The following COL15A1 variants were observed in gnomAD, a reference collection of about 807,000 sequenced individuals.
COL15A1 encodes collagen alpha-1(XV) chain.
Under a neutral mutation model 165.9 loss-of-function variants are expected in COL15A1, and 111 were observed. The ratio of observed to expected loss-of-function variants is 0.67; its 90% confidence interval spans 0.57 to 0.78. The LOEUF is 0.78. Among genes scored for constraint, COL15A1 ranks in the 30% least tolerant of loss-of-function variants. The pLI is 0.00. For missense variants in COL15A1, 1,745 were observed against 1,789.7 expected (o/e 0.98, Z 0.45); for synonymous variants, 659 against 674.8 (o/e 0.98, Z 0.36).
chr9:99,067,220 T>C (rs1203818248), intron 40 of COL15A1, among the ~76,000 whole-genome samples, 153 bp downstream of exon 40: 1 of 152,146 alleles, frequency 6.6e-6, no homozygotes, highest in Non-Finnish European at 1.5e-5. Flanking sequence ...TTCTTTGCCT[T>C]CCCTGAACCT....
chr9:98,945,504 T>C (rs776219068), intron 2 of COL15A1, among the ~76,000 whole-genome samples: 10 of 150,280 alleles, frequency 6.7e-5, no homozygotes, highest in Non-Finnish European at 1.5e-4. Context: ...GAACAGAAAG[T>C]CTAGGAAACA....
At position 99,035,064 on chromosome 9, in the gene COL15A1, A is replaced by G; in HGVS notation, c.2130A>G (p.Gln710=). 1 of 1,611,092 alleles carries G rather than the reference A, an allele frequency of 6.2e-7. No homozygotes were observed. Among genetic ancestry groups the G allele is most frequent in the South Asian group, 1.1e-5 (1 of 91,038 alleles). Residue 710 remains glutamine (Q), a synonymous_variant, in exon 18 of 42, where the codon CAA becomes CAG. Coordinates refer to ENST00000375001, the MANE Select transcript of COL15A1 (RefSeq NM_001855.5). ...CTGGACCCCCGGGGAAAAAGGGACA[A>G]GCTGGCCCTCCTGGGGTCATGGGAC... ...GLPGPPGKKG[Q]AGPPGVMGPP... is the part of the protein sequence containing the mutation.
At chr9:99,045,249 C>T (rs1839474846) in intron 26 of COL15A1, among the ~76,000 whole-genome samples, 1 of 152,226 alleles carries the variant, frequency 6.6e-6, no homozygotes, top group South Asian at 2.1e-4. Context: ...AGTTATACCA[C>T]AGAACTTGCC....
intron 29 of COL15A1, 27 bp downstream of exon 29, chr9:99,049,785 T>G (rs1325868473): frequency 1.2e-6 from 2 of 1,614,144 alleles, no homozygotes; most frequent in Non-Finnish European, 1.7e-6. Context: ...TGGGAAGACC[T>G]TCCCGATTGG....
In COL15A1 at chr9:99,035,224, A is replaced by G. The variant is rs1839280353; in HGVS notation, c.2220+70A>G. 5 of 1,570,174 alleles carry G rather than the reference A, an allele frequency of 3.2e-6. No individual in the cohort carries two copies. In the South Asian group the frequency reaches 5.7e-5, roughly 18 times the overall value. On this transcript the variant is annotated intron_variant, in intron 18 of 41. Transcript: ENST00000375001. ...GGGCTACTAGAAAGACCAGCTAGCTAAACCCTGGTCTCAGGGCAGAGGCTG... is the reference window on the plus strand; with the variant it reads ...GGGCTACTAGAAAGACCAGCTAGCTGAACCCTGGTCTCAGGGCAGAGGCTG...
At chr9:99,020,292 A>G in intron 11 of COL15A1, 97 bp from the exon 12 acceptor site, 1 of 873,472 alleles carries the variant, frequency 1.1e-6, no homozygotes, top group South Asian at 1.4e-5. Context: ...GCTCATGCCC[A>G]GCTCACTGAC....
intron 2 of COL15A1, among the ~76,000 whole-genome samples, chr9:98,958,292 T>C (rs1332568782): frequency 6.6e-6 from 1 of 152,240 alleles, no homozygotes; most frequent in African/African-American, 2.4e-5. Flanking sequence ...GAGTTCAGTT[T>C]GGCCGCACGT....
intron 21 of COL15A1, among the ~76,000 whole-genome samples, chr9:99,038,434 A>T (rs1839342714): frequency 1.3e-5 from 2 of 152,240 alleles, no homozygotes; most frequent in South Asian, 4.1e-4. Flanking sequence ...AAAAGAGAAG[A>T]CATTCGTATA....
chr9:99,060,621 C>A (rs955224563), intron 36 of COL15A1, among the ~76,000 whole-genome samples: 2 of 152,018 alleles, frequency 1.3e-5, no homozygotes, highest in African/African-American at 4.8e-5. Flanking sequence ...TGCGGTGGCT[C>A]ACTCCTGTAA....
intron 13 of COL15A1, 24 bp from the exon 14 acceptor site, chr9:99,023,333 A>G (rs1239142936): frequency 6.3e-7 from 1 of 1,581,720 alleles, no homozygotes; most frequent in South Asian, 1.1e-5. Flanking sequence ...AAATGCAAGT[A>G]GTGGAAATTT....
At chr9:99,011,691 C>A (rs1430192062) in intron 9 of COL15A1, among the ~76,000 whole-genome samples, 1 of 152,028 alleles carries the variant, frequency 6.6e-6, no homozygotes, top group African/African-American at 2.4e-5. Context: ...ATATACCCAA[C>A]TAATGAAATA....
Position 99,063,058 on chromosome 9 carries a change from G to A in COL15A1, c.3600G>A (p.Gln1200=), listed in dbSNP as rs749405836. Residue 1200 remains glutamine, a synonymous_variant, in exon 39 of 42, where the codon CAG becomes CAA. Transcript: ENST00000375001. ...PPPALSSNPH[Q]LLPPPNPISS... Reference sequence around the variant, plus strand: ...CCTCCTTTTCATAACAGCCACATCAGCTTCTGCCTCCACCAAACCCTATTT... The same window carrying A: ...CCTCCTTTTCATAACAGCCACATCAACTTCTGCCTCCACCAAACCCTATTT... The A allele has an allele frequency of 5.0e-6, 8 of 1,591,974 alleles. 1 individual carries two copies. The South Asian group carries it at 9.3e-5, about 18-fold the overall frequency.
Position 99,056,297 on chromosome 9 carries a change from C to A in COL15A1, c.3230C>A (p.Pro1077His), listed in dbSNP as rs1211405731. Residue 1077 changes from proline (P) to histidine (H), a missense_variant, in exon 35 of 42, where the codon CCC (proline) becomes CAC (histidine). Transcript: ENST00000375001. The part of the protein sequence containing the change: ...KGETVVGPQG[P>H]PGAPGLPGPP... ...GAGACAGTCGTTGGGCCCCAAGGAC[C>A]CCCAGGTGCTCCTGGTCTGCCTGGG... The A allele has an allele frequency of 6.2e-7, 1 of 1,614,138 alleles. No homozygotes were observed.
chr9:99,030,147 C>T (rs377723954), intron 16 of COL15A1, among the ~76,000 whole-genome samples: 39 of 152,142 alleles, frequency 2.6e-4, no homozygotes, highest in African/African-American at 8.9e-4. Context: ...TCCAATTCAC[C>T]ACAGTAAGCC....
chr9:99,055,087 G>A lies in COL15A1; in HGVS notation c.3032-15G>A, dbSNP rs1247796531. ...AAATTACAATCGTGAATTTTACGAA[G>A]CATTTCTTTTTCAGGTCCTCCACTT... On this transcript the variant is annotated splice_polypyrimidine_tract_variant and intron_variant, in intron 32 of 41. Coordinates refer to ENST00000375001, the MANE Select transcript of COL15A1 (RefSeq NM_001855.5). The A allele has an allele frequency of 5.0e-6, 8 of 1,606,028 alleles. No homozygotes were observed. In the Admixed American group the frequency reaches 5.0e-5, roughly 10 times the overall value.
chr9:98,990,710 G>A lies in COL15A1; in HGVS notation c.804+1452G>A, dbSNP rs145735412. Among the ~76,000 whole-genome samples the A allele has an allele frequency of 3.9e-4, 59 of 152,344 alleles. No homozygotes were observed. In the East Asian group the frequency reaches 0.011, roughly 28 times the overall value. ...GTAGGGCAGAGAAGCTTGGGAGGGG[G>A]CACCAGAGCTGGGCAGCTTTGGACA... On this transcript the variant is annotated intron_variant, in intron 5 of 41. Coordinates refer to ENST00000375001, the MANE Select transcript of COL15A1 (RefSeq NM_001855.5).
Position 99,054,647 on chromosome 9 carries a change from G to A in COL15A1, c.3022G>A (p.Gly1008Arg), listed in dbSNP as rs1391769203. The change falls in exon 32 of 42, where the codon GGA (glycine) becomes AGA (arginine). Residue 1008 changes from glycine (G) to arginine (R), a missense_variant. Transcript: ENST00000375001. ...KGEKGDQGAQ[G>R]PPGPPLDLAY... ...AGAAAAAGGCGACCAGGGAGCCCAG[G>A]GACCACCAGGTATTCCAGCTCTTGT... The A allele has an allele frequency of 1.2e-6, 2 of 1,610,902 alleles. No individual in the cohort carries two copies. The highest frequency in any genetic ancestry group is 1.7e-6 in the Non-Finnish European group (2 of 1,179,108).
rs532099176 is a variant in COL15A1 at position 99,033,221 on chromosome 9, T to C, written c.2044-1328T>C. Among the ~76,000 whole-genome samples the C allele has an allele frequency of 3.3e-5, 5 of 152,346 alleles. No individual in the cohort carries two copies. The South Asian group carries it at 1.0e-3, about 32-fold the overall frequency. ...CAGGAAGGGGATGGAAGGAATAAGA[T>C]GTGCCATCAGGCAGGGCACCTCAGC... On this transcript the variant is annotated intron_variant, in intron 16 of 41. Transcript: ENST00000375001.
chr9:99,052,434 G>GTATACAC lies in COL15A1; in HGVS notation c.2950+3_2950+9dup, dbSNP rs752819356. On this transcript the variant is annotated splice_donor_variant, in intron 31 of 41. Transcript: ENST00000375001. LOFTEE classifies it high-confidence loss of function. ...AGTCCAGAGCTCATCACTTTTCACG[G>GTATACAC]TATACACTCCCTTCTTCATCATTTG... is the stretch of plus-strand genomic sequence containing the variant. 71 of 1,601,120 alleles carry GTATACAC rather than the reference G, an allele frequency of 4.4e-5. No homozygotes were observed. Among genetic ancestry groups the GTATACAC allele is most frequent in the Non-Finnish European group, 5.8e-5 (68 of 1,168,534 alleles).
Sources: allele counts gnomAD v4.1 joint callset (sites outside exome capture counted in the v4.1 genomes callset), GRCh38; gene constraint gnomAD v4.1.1; transcripts MANE v1.5; gene names NCBI Gene and HGNC (gene_info 2026-07-23, HGNC 2026-07-21).